The following HS6ST3 variants were observed in gnomAD, a reference collection of about 807,000 sequenced individuals.
HS6ST3 encodes the protein heparan sulfate 6-O-sulfotransferase 3.
HS6ST3 carries 12 observed loss-of-function variants against 36.7 expected under a neutral mutation model. The ratio of observed to expected loss-of-function variants is 0.33; its 90% CI spans 0.21 to 0.53. The LOEUF (loss-of-function observed/expected upper bound fraction) is 0.53, where lower values mean the gene tolerates loss of function less well. Ranked by LOEUF, HS6ST3 falls within the 20% of genes least tolerant of loss-of-function variation. The pLI is 0.95. For missense variants in HS6ST3, 584 were observed against 640.9 expected (o/e 0.91, Z 0.96); for synonymous variants, 240 against 257.5 (o/e 0.93, Z 0.65).
intron 1 of HS6ST3, among the ~76,000 whole-genome samples, chr13:96,792,986 A>G (rs1437366028): frequency 2.0e-5 from 3 of 151,998 alleles, no homozygotes; most frequent in Admixed American, 6.6e-5. Flanking sequence ...TGTTGAGATG[A>G]CTAACAGTTG....
At chr13:96,224,989 A>G (rs2054473422) in intron 1 of HS6ST3, among the ~76,000 whole-genome samples, 1 of 152,202 alleles carries the variant, frequency 6.6e-6, no homozygotes, top group African/African-American at 2.4e-5. Flanking sequence ...TAATTGAACT[A>G]TTCTGAAGTT....
chr13:96,731,744 C>T (rs1186704190), intron 1 of HS6ST3, among the ~76,000 whole-genome samples: 1 of 151,890 alleles, frequency 6.6e-6, no homozygotes, highest in African/African-American at 2.4e-5. Context: ...CCGCAGCCTT[C>T]CCCCTGGCTC....
At chr13:96,179,658 A>G (rs956324155) in intron 1 of HS6ST3, among the ~76,000 whole-genome samples, 6 of 152,162 alleles carry the variant, frequency 3.9e-5, no homozygotes, top group African/African-American at 1.2e-4. Context: ...TCTCTTGCAT[A>G]TTATCACCTG....
intron 1 of HS6ST3, among the ~76,000 whole-genome samples, chr13:96,186,274 T>G: frequency 6.6e-6 from 1 of 152,178 alleles, no homozygotes; most frequent in East Asian, 1.9e-4. Flanking sequence ...AAAGAATACA[T>G]GCTCCCTCAT....
intron 1 of HS6ST3, among the ~76,000 whole-genome samples, chr13:96,430,184 G>A (rs1303922127): frequency 1.3e-5 from 2 of 152,056 alleles, no homozygotes; most frequent in East Asian, 1.9e-4. Flanking sequence ...ACAGTCTTTC[G>A]ATTTTCTATC....
intron 1 of HS6ST3, among the ~76,000 whole-genome samples, chr13:96,804,376 A>G (rs72646754): frequency 0.09 from 13,657 of 152,102 alleles, 722 homozygotes; most frequent in Non-Finnish European, 0.12. Flanking sequence ...GGAATGGTTA[A>G]GGGTGTGGCC....
chr13:96,638,384 G>A (rs952351226), intron 1 of HS6ST3, among the ~76,000 whole-genome samples: 2 of 151,924 alleles, frequency 1.3e-5, no homozygotes, highest in Non-Finnish European at 2.9e-5. Context: ...TTATTAATTG[G>A]TTAATCTTAG....
chr13:96,659,691 A>G lies in HS6ST3; in HGVS notation c.708-172799A>G, dbSNP rs143565170. ...AAATATAGTATGAAATAATGGGGCA[A>G]TGTTCATTTTTTTGGTCTCATATAG... On this transcript the variant is annotated intron_variant, in intron 1 of 1. Coordinates refer to ENST00000376705, the MANE Select transcript of HS6ST3 (RefSeq NM_153456.4). Among the ~76,000 whole-genome samples, 48 of 152,170 alleles carry G rather than the reference A, an allele frequency of 3.2e-4. No homozygotes were observed. The East Asian group carries it at 6.8e-3, about 21-fold the overall frequency.
chr13:96,695,082 T>C (rs1211978602), intron 1 of HS6ST3, among the ~76,000 whole-genome samples: 1 of 152,188 alleles, frequency 6.6e-6, no homozygotes. Context: ...TTTGTAGTTT[T>C]TTAAAAAAAT....
chr13:96,525,350 A>G (rs1332786932), intron 1 of HS6ST3, among the ~76,000 whole-genome samples: 3 of 152,174 alleles, frequency 2.0e-5, no homozygotes, highest in Non-Finnish European at 4.4e-5. Flanking sequence ...AGAAACTGGT[A>G]TATTTCTATA....
At chr13:96,492,676 T>G (rs1216102323) in intron 1 of HS6ST3, among the ~76,000 whole-genome samples, 1 of 152,190 alleles carries the variant, frequency 6.6e-6, no homozygotes, top group Non-Finnish European at 1.5e-5. Flanking sequence ...CTATCTGAGT[T>G]TGAACTCCTC....
chr13:96,218,541 C>T (rs1193216520), intron 1 of HS6ST3, among the ~76,000 whole-genome samples: 1 of 152,180 alleles, frequency 6.6e-6, no homozygotes, highest in Non-Finnish European at 1.5e-5. Flanking sequence ...AGAGTCAGGA[C>T]CCTGTCACTC....
intron 1 of HS6ST3, among the ~76,000 whole-genome samples, chr13:96,183,920 G>A (rs2054252411): frequency 6.6e-6 from 1 of 151,998 alleles, no homozygotes; most frequent in Non-Finnish European, 1.5e-5. Flanking sequence ...CGGTTAAGAT[G>A]GGCCAGGCAT....
chr13:96,666,283 C>A (rs1398139301), intron 1 of HS6ST3, among the ~76,000 whole-genome samples: 1 of 152,144 alleles, frequency 6.6e-6, no homozygotes, highest in Non-Finnish European at 1.5e-5. Flanking sequence ...CCACCAGGTC[C>A]CTCTGATGAC....
At chr13:96,110,442 GTT>G (rs1284223910) in intron 1 of HS6ST3, among the ~76,000 whole-genome samples, 6 of 146,036 alleles carry the variant, frequency 4.1e-5, no homozygotes, top group African/African-American at 1.5e-4. Context: ...GTGTGTGTGT[GTT>G]TTTTTTTTTT....
intron 1 of HS6ST3, among the ~76,000 whole-genome samples, chr13:96,360,951 A>C (rs1594762539): frequency 6.6e-6 from 1 of 151,822 alleles, no homozygotes. Flanking sequence ...GTCCCAAAAA[A>C]AAAAAAAAAA....
At chr13:96,718,636 C>T (rs1875765101) in intron 1 of HS6ST3, among the ~76,000 whole-genome samples, 1 of 152,050 alleles carries the variant, frequency 6.6e-6, no homozygotes, top group Non-Finnish European at 1.5e-5. Flanking sequence ...CATAAAATAC[C>T]ACTTTAGTAA....
At chr13:96,524,879 C>T (rs2056107710) in intron 1 of HS6ST3, among the ~76,000 whole-genome samples, 1 of 152,180 alleles carries the variant, frequency 6.6e-6, no homozygotes, top group South Asian at 2.1e-4. Flanking sequence ...TCCATCCTGT[C>T]CCAGTGAGAT....
At chr13:96,132,653 A>T (rs1468483017) in intron 1 of HS6ST3, among the ~76,000 whole-genome samples, 2 of 151,658 alleles carry the variant, frequency 1.3e-5, no homozygotes, top group East Asian at 1.9e-4. Flanking sequence ...TGATCCTCCC[A>T]CCTCAGCCTC....
Sources: gnomAD v4.1 joint callset for allele counts (sites outside exome capture counted in the v4.1 genomes callset) on GRCh38, gnomAD v4.1.1 for gene constraint, MANE v1.5 for transcripts, NCBI Gene and HGNC (gene_info 2026-07-23, HGNC 2026-07-21) for gene names.